Variants in PCDHGA3 observed in about 807,000 individuals in gnomAD.
The protein encoded by PCDHGA3 is protocadherin gamma-A3.
Under a neutral mutation model 58.5 loss-of-function variants are expected in PCDHGA3, and 40 were observed. The observed-to-expected ratio is 0.68, with a 90% CI of 0.53 to 0.89. The LOEUF (loss-of-function observed/expected upper bound fraction) is 0.89, where lower values mean the gene tolerates loss of function less well. Ranked by LOEUF, PCDHGA3 falls within the 40% of genes least tolerant of loss-of-function variation. PCDHGA3 has a pLI of 0.00. For synonymous variants in PCDHGA3, 530 were observed against 525.7 expected, an observed-to-expected ratio of 1.01 and a Z score of -0.11; for missense variants, 1,223 against 1,195.9, an observed-to-expected ratio of 1.02 and a Z score of -0.33.
intron 1 of PCDHGA3, chr5:141,366,846 TA>T: frequency 6.8e-7 from 1 of 1,476,346 alleles, no homozygotes; most frequent in Non-Finnish European, 9.1e-7. Context: ...GTTATGTAAA[TA>T]GTGGAACATT....
At position 141,383,329 on chromosome 5, in the gene PCDHGA3, G is replaced by A. The variant is rs143729030; in HGVS notation, c.2424+36872G>A. 347 of 1,613,980 alleles carry A rather than the reference G, an allele frequency of 2.1e-4. 3 individuals are homozygous for A. The East Asian group carries it at 5.6e-3, about 26-fold the overall frequency. On this transcript the variant is annotated intron_variant, in intron 1 of 3. Transcript: ENST00000253812. ...GGAAGAAATAAATGTAAAAATAATG[G>A]AGAATACAGCTCCTGGGGTTCGGTT...
At position 141,395,404 on chromosome 5, in the gene PCDHGA3, T is replaced by G. The variant is rs1482913976; in HGVS notation, c.2424+48947T>G. 24 of 836,172 alleles carry G rather than the reference T, an allele frequency of 2.9e-5. No homozygotes were observed. The East Asian group carries it at 6.2e-4, about 21-fold the overall frequency. 51.8% of individuals were successfully genotyped at this position (836,172 alleles called of 1,614,324 possible). A position where few individuals can be genotyped will look rare whatever the true frequency, so the allele number is the denominator to read the frequency against. ...CTATAAAATTGAACTCTAATAGTCA[T>G]AGGTTATTGTTTCATTTGCTTTTAA... On this transcript the variant is annotated intron_variant, in intron 1 of 3. Transcript: ENST00000253812.
chr5:141,489,150 T>C lies in PCDHGA3; in HGVS notation c.2425-5657T>C. The C allele has an allele frequency of 1.7e-5, 15 of 862,654 alleles. No individual in the cohort carries two copies. Among genetic ancestry groups the C allele is most frequent in the Middle Eastern group, 2.5e-4 (1 of 4,044 alleles). 53.4% of individuals were successfully genotyped at this position (862,654 alleles called of 1,614,324 possible). On this transcript the variant is annotated intron_variant, in intron 1 of 3. Transcript: ENST00000253812. The surrounding 1 kb of genome is among the most constrained non-coding windows in gnomAD (Gnocchi z 4.5). ...GTTTTTAAGAGGCTGGAAGGAGACA[T>C]AAGAGACTTCAGCTGCTGCATTCCA...
intron 1 of PCDHGA3, chr5:141,389,158 G>A (rs774342496): frequency 5.0e-6 from 8 of 1,613,850 alleles, no homozygotes; most frequent in African/African-American, 2.7e-5. Context: ...GCAACAGATC[G>A]GGGCAAGCCT....
chr5:141,351,372 A>T, intron 1 of PCDHGA3: 1 of 1,612,764 alleles, frequency 6.2e-7, no homozygotes, highest in Non-Finnish European at 8.5e-7. Context: ...CGAGACAAGG[A>T]TTCTGGGCAA....
intron 1 of PCDHGA3, chr5:141,366,385 G>A: frequency 3.1e-6 from 5 of 1,614,150 alleles, no homozygotes; most frequent in Non-Finnish European, 4.2e-6. Flanking sequence ...TTGACCCTGA[G>A]GATCTGGACC....
chr5:141,509,691 AC>A (rs1471858383), intron 3 of PCDHGA3, among the ~76,000 whole-genome samples: 5 of 152,064 alleles, frequency 3.3e-5, no homozygotes, highest in African/African-American at 1.2e-4. Flanking sequence ...GTACAGTGGG[AC>A]GTTGGACTGG....
chr5:141,375,156 A>C (rs565020201), intron 1 of PCDHGA3: 2 of 1,613,972 alleles, frequency 1.2e-6, no homozygotes, highest in Non-Finnish European at 1.7e-6. Flanking sequence ...ACAATTGCTG[A>C]AAGTGCACCT....
chr5:141,393,071 C>G (rs927273885), intron 1 of PCDHGA3: 1 of 1,613,680 alleles, frequency 6.2e-7, no homozygotes, highest in Non-Finnish European at 8.5e-7. Context: ...GCTTGATCAC[C>G]GCGGGCAGGA....
chr5:141,419,259 C>A (rs765877993), intron 1 of PCDHGA3: 11 of 1,614,016 alleles, frequency 6.8e-6, no homozygotes, highest in Non-Finnish European at 9.3e-6. Flanking sequence ...AACAACCAGC[C>A]GGGTGCCTCC....
chr5:141,394,795 C>T (rs543209610), intron 1 of PCDHGA3: 1 of 1,613,676 alleles, frequency 6.2e-7, no homozygotes, highest in Non-Finnish European at 8.5e-7. Context: ...GTCACGCTCA[C>T]CGTAGCCGTG....
chr5:141,391,071 T>C (rs905482954), intron 1 of PCDHGA3: 2 of 152,220 alleles, frequency 1.3e-5, no homozygotes, highest in African/African-American at 4.8e-5. Context: ...CCCTAATATA[T>C]AATGTGTAAC....
chr5:141,386,000 AT>A (rs1420495491), intron 1 of PCDHGA3: 3 of 152,258 alleles, frequency 2.0e-5, no homozygotes, highest in Admixed American at 6.5e-5. Flanking sequence ...ATAAAATGTC[AT>A]TTTAAGTGTT....
At chr5:141,510,519 C>A (rs182721864) in intron 3 of PCDHGA3, among the ~76,000 whole-genome samples, 1 of 152,260 alleles carries the variant, frequency 6.6e-6, no homozygotes, top group East Asian at 1.9e-4. Context: ...CGTGTCACAG[C>A]CCTGAGAGAA....
intron 1 of PCDHGA3, among the ~76,000 whole-genome samples, chr5:141,480,704 G>A (rs545986902): frequency 8.5e-5 from 13 of 152,206 alleles, no homozygotes; most frequent in East Asian, 5.8e-4. Flanking sequence ...GCCACACCCC[G>A]ACAAATGAAA....
chr5:141,476,665 C>T lies in PCDHGA3; in HGVS notation c.2425-18142C>T. On this transcript the variant is annotated intron_variant, in intron 1 of 3. Coordinates refer to ENST00000253812, the MANE Select transcript of PCDHGA3 (RefSeq NM_018916.4). This position sits in a 1 kb window ranked among gnomAD's most constrained non-coding sequence, Gnocchi z 7.6. ...GCCGAAATGAATACTTTGCGCTTCG[C>T]GTGCAGACGCGGGAGGACAGCACCA... 6.2e-7 allele frequency: 1 copy of T among 1,614,240 alleles called. No homozygotes were observed. Among genetic ancestry groups the T allele is most frequent in the East Asian group, 2.2e-5 (1 of 44,882 alleles).
chr5:141,408,184 G>A, intron 1 of PCDHGA3: 1 of 1,541,100 alleles, frequency 6.5e-7, no homozygotes, highest in Non-Finnish European at 8.8e-7. Flanking sequence ...CGGGGACCCA[G>A]CGAGAACCCG....
chr5:141,482,135 G>T (rs987110875), intron 1 of PCDHGA3, among the ~76,000 whole-genome samples: 1 of 151,836 alleles, frequency 6.6e-6, no homozygotes, highest in African/African-American at 2.4e-5. Context: ...CATATGGCTG[G>T]CATAAAAAGG....
At chr5:141,372,583 G>A (rs1768892423) in intron 1 of PCDHGA3, 2 of 1,613,908 alleles carry the variant, frequency 1.2e-6, no homozygotes, top group Admixed American at 1.7e-5. Flanking sequence ...TTTCAGCCTG[G>A]TGTCTGCTTC....
Sources: gnomAD v4.1 joint callset for allele counts (sites outside exome capture counted in the v4.1 genomes callset) on GRCh38, gnomAD v4.1.1 for gene constraint, Gnocchi (gnomAD v3.1) non-coding constraint, MANE v1.5 for transcripts, NCBI Gene and HGNC (gene_info 2026-07-23, HGNC 2026-07-21) for gene names.